Variants in IGF1R observed in about 807,000 individuals in gnomAD.
IGF1R encodes the protein insulin like growth factor 1 receptor, also known as insulin-like growth factor 1 receptor.
A neutral mutation model predicts 144.6 loss-of-function variants in IGF1R; 44 were observed. That is an observed-to-expected ratio of 0.30 (90% CI 0.24 to 0.39). The LOEUF (loss-of-function observed/expected upper bound fraction) is 0.39, where lower values mean the gene tolerates loss of function less well. Ranked by LOEUF, IGF1R falls within the 10% of genes least tolerant of loss-of-function variation. IGF1R has a pLI of 1.00. For missense variants in IGF1R, 1,355 were observed against 1,833.7 expected, an observed-to-expected ratio of 0.74 and a Z score of 4.77; for synonymous variants, 795 against 722.8, an observed-to-expected ratio of 1.10 and a Z score of -1.60.
intron 1 of IGF1R, among the ~76,000 whole-genome samples, chr15:98,685,151 C>A (rs1294176478): frequency 6.6e-6 from 1 of 151,930 alleles, no homozygotes; most frequent in East Asian, 1.9e-4. Context: ...CACTATGTTG[C>A]CCAGGCTGCA....
chr15:98,784,569 G>T (rs181265137), intron 2 of IGF1R: 2 of 153,946 alleles, frequency 1.3e-5, no homozygotes, highest in Admixed American at 1.3e-4. Flanking sequence ...CTAGTTTAGC[G>T]TCCAGTTTGT....
rs2016095240 is a variant in IGF1R at position 98,935,199 on chromosome 15, C to T, written c.3187-117C>T. On this transcript the variant is annotated intron_variant, in intron 16 of 20. Transcript: ENST00000650285. This position sits in a 1 kb window ranked among gnomAD's most constrained non-coding sequence, Gnocchi z 4.2. ...TAGTTACCCCATTACCTCACTGCTA[C>T]CTTCAGACCCCTGTGCTCAGACCAG... 3 of 959,024 alleles carry T rather than the reference C, an allele frequency of 3.1e-6. No homozygotes were observed. Among genetic ancestry groups the T allele is most frequent in the Non-Finnish European group, 4.9e-6 (3 of 607,428 alleles). The allele number at this position is 959,024 out of a possible 1,614,324, so 59.4% of individuals were successfully genotyped here. A position where few individuals can be genotyped will look rare whatever the true frequency, so the allele number is the denominator to read the frequency against.
intron 1 of IGF1R, among the ~76,000 whole-genome samples, chr15:98,701,893 C>T (rs1156586253): frequency 6.6e-6 from 1 of 152,136 alleles, no homozygotes; most frequent in East Asian, 1.9e-4. Context: ...AAAGCACTTA[C>T]CTGATTCTTA....
chr15:98,788,906 AT>A (rs960407306), intron 2 of IGF1R, among the ~76,000 whole-genome samples: 9 of 149,406 alleles, frequency 6.0e-5, no homozygotes, highest in South Asian at 4.3e-4. Context: ...TATTTCTAGC[AT>A]TTTTTTTTCA....
Position 98,961,216 on chromosome 15 carries a change from C to A in IGF1R, c.*3774C>A. 4.3e-6 allele frequency: 1 copy of A among 233,668 alleles called. No individual in the cohort carries two copies. The highest frequency in any genetic ancestry group is 8.5e-6 in the Non-Finnish European group (1 of 117,992). The allele number at this position is 233,668 out of a possible 1,614,324, so 14.5% of individuals were successfully genotyped here. A position where few individuals can be genotyped will look rare whatever the true frequency, so the allele number is the denominator to read the frequency against. ...GTGACCCCTTGGAATAACGGCCTCTCCTCTCGTGCACATACCTACCGGTTT... is the reference window on the plus strand; with the variant it reads ...GTGACCCCTTGGAATAACGGCCTCTACTCTCGTGCACATACCTACCGGTTT... On this transcript the variant is annotated 3_prime_UTR_variant, in exon 21 of 21. Coordinates refer to ENST00000650285, the MANE Select transcript of IGF1R (RefSeq NM_000875.5).
intron 2 of IGF1R, among the ~76,000 whole-genome samples, chr15:98,836,900 T>C (rs1303572366): frequency 6.6e-6 from 1 of 152,212 alleles, no homozygotes; most frequent in African/African-American, 2.4e-5. Flanking sequence ...AGATTGACAT[T>C]GCATCTCAGT....
chr15:98,836,189 T>C (rs981344698), intron 2 of IGF1R, among the ~76,000 whole-genome samples: 15 of 151,916 alleles, frequency 9.9e-5, no homozygotes, highest in African/African-American at 2.4e-4. Flanking sequence ...ATTTTTTTTT[T>C]TCTCTCTCTC....
intron 2 of IGF1R, among the ~76,000 whole-genome samples, chr15:98,778,466 G>C (rs190071343): frequency 6.6e-6 from 1 of 152,294 alleles, no homozygotes; most frequent in Admixed American, 6.5e-5. Context: ...ACCCAGAGAG[G>C]GTCATGGTTT....
intron 20 of IGF1R, among the ~76,000 whole-genome samples, chr15:98,955,583 C>G (rs1351918124): frequency 6.6e-6 from 1 of 152,244 alleles, no homozygotes; most frequent in South Asian, 2.1e-4. Context: ...CTCTAGAACG[C>G]TGAATTCTAG....
chr15:98,872,398 A>G (rs2012829503), intron 2 of IGF1R, among the ~76,000 whole-genome samples: 1 of 152,090 alleles, frequency 6.6e-6, no homozygotes, highest in Admixed American at 6.5e-5. Context: ...TCCACTGGAC[A>G]CCTCCAAGGA....
chr15:98,737,420 C>G (rs1371340005), intron 2 of IGF1R, among the ~76,000 whole-genome samples: 1 of 152,168 alleles, frequency 6.6e-6, no homozygotes, highest in Non-Finnish European at 1.5e-5. Context: ...AAGAACATGA[C>G]TTGCCTCTGG....
chr15:98,948,557 T>G lies in IGF1R; in HGVS notation c.3588-17T>G. 1 of 1,613,222 alleles carries G rather than the reference T, an allele frequency of 6.2e-7. No homozygotes were observed. Among genetic ancestry groups the G allele is most frequent in the Non-Finnish European group, 8.5e-7 (1 of 1,179,692 alleles). Reference sequence around the variant, plus strand: ...CCATCCCTTTCCAAGCTCCTCACAGTTTTTTTCTCCCTGTAGGTCCTTCGG... The same window carrying G: ...CCATCCCTTTCCAAGCTCCTCACAGGTTTTTTCTCCCTGTAGGTCCTTCGG... On this transcript the variant is annotated splice_polypyrimidine_tract_variant and intron_variant, in intron 19 of 20. Transcript: ENST00000650285.
intron 2 of IGF1R, among the ~76,000 whole-genome samples, chr15:98,789,269 C>G (rs7164784): frequency 1.3e-5 from 2 of 152,144 alleles, no homozygotes; most frequent in South Asian, 4.1e-4. Context: ...ACACATTGTT[C>G]TAGGCTTCTA....
At chr15:98,729,374 G>A (rs1414900788) in intron 2 of IGF1R, among the ~76,000 whole-genome samples, 1 of 152,186 alleles carries the variant, frequency 6.6e-6, no homozygotes, top group Non-Finnish European at 1.5e-5. Context: ...TCATGGAAAG[G>A]AACCGGAAGT....
chr15:98,804,579 G>T (rs572222211), intron 2 of IGF1R, among the ~76,000 whole-genome samples: 2 of 152,144 alleles, frequency 1.3e-5, no homozygotes, highest in African/African-American at 4.8e-5. Flanking sequence ...AGAGAGCAGC[G>T]CACACACAGC....
intron 20 of IGF1R, among the ~76,000 whole-genome samples, chr15:98,951,486 A>G (rs2016771963): frequency 6.6e-6 from 1 of 152,190 alleles, no homozygotes; most frequent in Admixed American, 6.5e-5. Context: ...CCCAAAACCT[A>G]CTAGTTAAGA....
chr15:98,865,706 A>G (rs1385700906), intron 2 of IGF1R, among the ~76,000 whole-genome samples: 1 of 152,126 alleles, frequency 6.6e-6, no homozygotes, highest in African/African-American at 2.4e-5. Context: ...CCAAACCTCA[A>G]TTTCCCTAGC....
chr15:98,886,301 A>G (rs2013638312), intron 2 of IGF1R, among the ~76,000 whole-genome samples: 1 of 152,186 alleles, frequency 6.6e-6, no homozygotes, highest in African/African-American at 2.4e-5. Context: ...CCCCAAGGAA[A>G]AAAAATGAAG....
intron 1 of IGF1R, among the ~76,000 whole-genome samples, chr15:98,689,745 G>A (rs1452901651): frequency 3.3e-5 from 5 of 152,122 alleles, no homozygotes; most frequent in Non-Finnish European, 7.4e-5. Context: ...TAGGTCTCTC[G>A]GGATGCCCCA....
Sources: gnomAD v4.1 joint callset for allele counts (sites outside exome capture counted in the v4.1 genomes callset) on GRCh38, gnomAD v4.1.1 for gene constraint, Gnocchi (gnomAD v3.1) non-coding constraint, MANE v1.5 for transcripts, NCBI Gene and HGNC (gene_info 2026-07-23, HGNC 2026-07-21) for gene names.